Variants in WWOX observed in about 807,000 individuals in gnomAD.
WWOX encodes the protein WW domain-containing oxidoreductase.
Under a neutral mutation model 46.2 loss-of-function variants are expected in WWOX, and 69 were observed. The ratio of observed to expected loss-of-function variants is 1.49; its 90% CI spans 1.23 to 1.82. The LOEUF is 1.82. Among genes scored for constraint, WWOX ranks in the 40% most tolerant of loss-of-function variants. The pLI is 0.00. For synonymous variants in WWOX, 359 were observed against 202.6 expected (o/e 1.77, Z -6.56); for missense variants, 919 against 542.6 (o/e 1.69, Z -6.89).
chr16:78,818,779 G>C (rs9933775), intron 8 of WWOX, among the ~76,000 whole-genome samples: 13,293 of 152,202 alleles, frequency 0.087, 597 homozygotes, highest in South Asian at 0.14. Flanking sequence ...CCTTAGTTTC[G>C]TCTTTTCTGA....
chr16:78,714,742 A>G (rs115322842), intron 8 of WWOX, among the ~76,000 whole-genome samples: 2,640 of 152,260 alleles, frequency 0.017, 82 homozygotes, highest in African/African-American at 0.06. Flanking sequence ...AATGAAGGGA[A>G]GATTCAAGGT....
At chr16:78,665,266 T>A (rs1242354046) in intron 8 of WWOX, among the ~76,000 whole-genome samples, 1 of 152,130 alleles carries the variant, frequency 6.6e-6, no homozygotes, top group Non-Finnish European at 1.5e-5. Flanking sequence ...GCCACGCACA[T>A]CCTAAGGGAG....
chr16:78,492,278 G>A (rs1008738636), intron 8 of WWOX, among the ~76,000 whole-genome samples: 1 of 152,126 alleles, frequency 6.6e-6, no homozygotes, highest in Non-Finnish European at 1.5e-5. Context: ...TCCGAAGGCG[G>A]GTGTGTATGT....
At chr16:78,372,059 C>G (rs2081703018) in intron 5 of WWOX, among the ~76,000 whole-genome samples, 1 of 152,132 alleles carries the variant, frequency 6.6e-6, no homozygotes, top group African/African-American at 2.4e-5. Flanking sequence ...CTCTAAGTCT[C>G]ACGGCTATGC....
At chr16:78,292,431 T>C (rs188893444) in intron 5 of WWOX, among the ~76,000 whole-genome samples, 1 of 152,318 alleles carries the variant, frequency 6.6e-6, no homozygotes, top group East Asian at 1.9e-4. Context: ...TTTATGGTCT[T>C]TTAATTAACC....
chr16:78,102,047 A>G (rs1323032610), intron 1 of WWOX, among the ~76,000 whole-genome samples: 1 of 152,110 alleles, frequency 6.6e-6, no homozygotes, highest in Non-Finnish European at 1.5e-5. Context: ...CAGCCTGTTG[A>G]GTACCCGGGA....
intron 7 of WWOX, among the ~76,000 whole-genome samples, chr16:78,429,088 C>G (rs974457012): frequency 4.6e-5 from 7 of 152,134 alleles, no homozygotes; most frequent in Non-Finnish European, 5.9e-5. Context: ...TGTATTGAGT[C>G]CTTACTATGT....
At chr16:78,138,115 C>G (rs1351849865) in intron 4 of WWOX, among the ~76,000 whole-genome samples, 2 of 150,726 alleles carry the variant, frequency 1.3e-5, no homozygotes. Context: ...GCTGCATCCT[C>G]TTCACGAGAG....
At chr16:78,994,969 C>CTTTTTTTTTTTTTTTTTTTTTTTTTTT (rs869088414) in intron 8 of WWOX, among the ~76,000 whole-genome samples, 5 of 114,644 alleles carry the variant, frequency 4.4e-5, no homozygotes, top group Non-Finnish European at 8.5e-5. Flanking sequence ...TCTTCTTCTT[C>CTTTTTTTTTTTTTTTTTTTTTTTTTTT]TTTTTTTTTT....
At chr16:78,215,775 A>G (rs1010806279) in intron 5 of WWOX, among the ~76,000 whole-genome samples, 1 of 151,976 alleles carries the variant, frequency 6.6e-6, no homozygotes, top group Non-Finnish European at 1.5e-5. Flanking sequence ...TAAAAATACA[A>G]AACAGCCGGG....
At chr16:78,896,054 C>T (rs1399427811) in intron 8 of WWOX, 2 of 151,880 alleles carry the variant, frequency 1.3e-5, no homozygotes, top group Admixed American at 1.3e-4. Flanking sequence ...TGAGTAATAA[C>T]CAAAGATATT....
chr16:78,722,589 G>A (rs2048719006), intron 8 of WWOX, among the ~76,000 whole-genome samples: 4 of 151,910 alleles, frequency 2.6e-5, no homozygotes, highest in Middle Eastern at 6.8e-3. Flanking sequence ...TGTAGAATTT[G>A]TGTGATGACT....
At chr16:78,591,045 C>T (rs1275903494) in intron 8 of WWOX, among the ~76,000 whole-genome samples, 1 of 152,162 alleles carries the variant, frequency 6.6e-6, no homozygotes, top group Admixed American at 6.5e-5. Context: ...GTGTTATCTG[C>T]CCTAGTCTGA....
At chr16:79,117,562 G>A (rs1232506365) in intron 8 of WWOX, among the ~76,000 whole-genome samples, 1 of 152,218 alleles carries the variant, frequency 6.6e-6, no homozygotes, top group Non-Finnish European at 1.5e-5. Context: ...TCGCAGCTTT[G>A]AAGCCAGGCA....
intron 8 of WWOX, among the ~76,000 whole-genome samples, chr16:78,523,527 G>C (rs1209260648): frequency 6.6e-6 from 1 of 152,198 alleles, no homozygotes; most frequent in Admixed American, 6.5e-5. Flanking sequence ...TTAAATGCTT[G>C]TACTCTCTAT....
rs563267912 is a variant in WWOX, at chr16:78,969,496, C to G, written c.1057-242112C>G. The stretch of plus-strand genomic sequence containing the variant: ...GTGTTGGCCAGGCTGGTCTCAAACT[C>G]CTGACCTCAAGTGATCCAACCGCCT... On this transcript the variant is annotated intron_variant, in intron 8 of 8. Coordinates refer to ENST00000566780, the MANE Select transcript of WWOX (RefSeq NM_016373.4). 7.9e-5 allele frequency among the ~76,000 whole-genome samples: 12 copies of G among 152,214 alleles called. No homozygotes were observed. The South Asian group carries it at 1.9e-3, about 24-fold the overall frequency.
At chr16:79,031,069 G>A (rs1456427296) in intron 8 of WWOX, among the ~76,000 whole-genome samples, 1 of 141,986 alleles carries the variant, frequency 7.0e-6, no homozygotes, top group African/African-American at 2.6e-5. Flanking sequence ...CTCCAGCCTG[G>A]ACAACAGAGT....
At chr16:78,252,035 G>A (rs1383956720) in intron 5 of WWOX, among the ~76,000 whole-genome samples, 1 of 152,160 alleles carries the variant, frequency 6.6e-6, no homozygotes, top group African/African-American at 2.4e-5. Context: ...GTAAATTGCA[G>A]GTTAAGCCCT....
intron 8 of WWOX, among the ~76,000 whole-genome samples, chr16:78,951,697 G>A (rs967734240): frequency 6.6e-5 from 10 of 152,172 alleles, no homozygotes; most frequent in Non-Finnish European, 1.5e-5. Flanking sequence ...GTTCTACCCA[G>A]TACCGGGGAA....
Sources: allele counts gnomAD v4.1 joint callset (sites outside exome capture counted in the v4.1 genomes callset), GRCh38; gene constraint gnomAD v4.1.1; transcripts MANE v1.5; gene names NCBI Gene and HGNC (gene_info 2026-07-23, HGNC 2026-07-21).